Variants in CDK14 observed in about 807,000 individuals in gnomAD.
CDK14 encodes the protein cyclin-dependent kinase 14.
Under a neutral mutation model 60.7 loss-of-function variants are expected in CDK14, and 34 were observed. That is an observed-to-expected ratio of 0.56 (90% CI 0.43 to 0.75). The LOEUF (loss-of-function observed/expected upper bound fraction) is 0.75, where lower values mean the gene tolerates loss of function less well. CDK14 is among the 30% of genes least tolerant of loss of function. CDK14 has a pLI of 0.00. For missense variants in CDK14, 482 were observed against 564.1 expected, an observed-to-expected ratio of 0.85 and a Z score of 1.47; for synonymous variants, 197 against 203.7, an observed-to-expected ratio of 0.97 and a Z score of 0.28.
chr7:90,829,978 C>T (rs1324513273), intron 5 of CDK14, among the ~76,000 whole-genome samples: 4 of 152,210 alleles, frequency 2.6e-5, no homozygotes, highest in Non-Finnish European at 4.4e-5. Context: ...GCTGCCTTCA[C>T]GGGCTGGTGT....
intron 6 of CDK14, among the ~76,000 whole-genome samples, chr7:90,890,069 G>C (rs558661018): frequency 9.2e-5 from 14 of 152,206 alleles, no homozygotes; most frequent in Non-Finnish European, 1.9e-4. Context: ...GTTATTCACT[G>C]TTTTGAAAAC....
At chr7:91,097,042 G>A (rs1799011333) in intron 12 of CDK14, among the ~76,000 whole-genome samples, 1 of 151,972 alleles carries the variant, frequency 6.6e-6, no homozygotes, top group African/African-American at 2.4e-5. Context: ...ACCTCAAAAT[G>A]GACTTGAGTA....
intron 14 of CDK14, among the ~76,000 whole-genome samples, chr7:91,185,737 A>C (rs1802155995): frequency 6.6e-6 from 1 of 151,848 alleles, no homozygotes. Flanking sequence ...TTAAATATTT[A>C]AATAAATTAA....
intron 2 of CDK14, among the ~76,000 whole-genome samples, chr7:90,621,799 T>C (rs1382029967): frequency 6.6e-6 from 1 of 152,198 alleles, no homozygotes; most frequent in East Asian, 1.9e-4. Context: ...TTCCCAGTAA[T>C]GTTGGCACTA....
At chr7:90,618,122 A>G (rs1799690785) in intron 2 of CDK14, among the ~76,000 whole-genome samples, 1 of 152,156 alleles carries the variant, frequency 6.6e-6, no homozygotes, top group Non-Finnish European at 1.5e-5. Flanking sequence ...GTGTGAAGCC[A>G]CTCTGGCTTC....
chr7:91,179,203 A>T (rs1166086809), intron 14 of CDK14, among the ~76,000 whole-genome samples: 1 of 151,886 alleles, frequency 6.6e-6, no homozygotes, highest in African/African-American at 2.4e-5. Flanking sequence ...TGTCCTTTGT[A>T]GGGACATGGA....
intron 5 of CDK14, among the ~76,000 whole-genome samples, chr7:90,859,279 A>G (rs1425544050): frequency 6.6e-6 from 1 of 152,216 alleles, no homozygotes; most frequent in African/African-American, 2.4e-5. Context: ...TTAAGGATTT[A>G]ATATATTGTT....
intron 2 of CDK14, chr7:90,710,646 C>A: frequency 1.5e-6 from 1 of 660,536 alleles, no homozygotes; most frequent in Non-Finnish European, 1.9e-6. Context: ...TGCAGTTCTG[C>A]GTGAAGTGCC....
At chr7:90,739,435 A>G (rs908131389) in intron 3 of CDK14, among the ~76,000 whole-genome samples, 3 of 151,904 alleles carry the variant, frequency 2.0e-5, no homozygotes, top group African/African-American at 7.3e-5. Flanking sequence ...TGTTTTTCTA[A>G]TTTCCTCAGT....
chr7:90,626,738 G>A (rs1201369408), intron 2 of CDK14, among the ~76,000 whole-genome samples: 1 of 152,066 alleles, frequency 6.6e-6, no homozygotes, highest in Non-Finnish European at 1.5e-5. Context: ...CCAGGAGTTG[G>A]AGACCAGCCT....
At chr7:91,000,526 C>T (rs1317338264) in intron 10 of CDK14, among the ~76,000 whole-genome samples, 1 of 152,098 alleles carries the variant, frequency 6.6e-6, no homozygotes, top group Middle Eastern at 3.2e-3. Context: ...AGGATATAGC[C>T]GAGATTCGTG....
At chr7:90,893,511 G>A (rs943077128) in intron 6 of CDK14, among the ~76,000 whole-genome samples, 6 of 152,200 alleles carry the variant, frequency 3.9e-5, no homozygotes, top group Admixed American at 1.3e-4. Flanking sequence ...GTTCTGTTCA[G>A]AACTTTATAA....
At chr7:91,196,942 A>G (rs7789024) in intron 14 of CDK14, among the ~76,000 whole-genome samples, 51,854 of 152,092 alleles carry the variant, frequency 0.34, 10,918 homozygotes, top group Non-Finnish European at 0.48. Context: ...GAGTGTCACT[A>G]TACTTTTCAT....
chr7:91,112,504 T>A (rs551607963), intron 12 of CDK14, 38 bp from the exon 13 acceptor site: 52 of 1,579,302 alleles, frequency 3.3e-5, no homozygotes, highest in Non-Finnish European at 3.7e-5. Context: ...TGGATTTTCT[T>A]GTTTGGTCTG....
At chr7:90,754,082 T>A (rs1348753009) in intron 4 of CDK14, among the ~76,000 whole-genome samples, 3 of 152,228 alleles carry the variant, frequency 2.0e-5, no homozygotes, top group African/African-American at 7.2e-5. Flanking sequence ...GCAGTGCTAT[T>A]CCTATCAAAC....
At chr7:90,909,092 T>A (rs1426584912) in intron 7 of CDK14, among the ~76,000 whole-genome samples, 1 of 152,166 alleles carries the variant, frequency 6.6e-6, no homozygotes, top group Non-Finnish European at 1.5e-5. Context: ...GCCCTGTAGT[T>A]GGGAGAGAGT....
At chr7:90,787,891 T>C (rs949692630) in intron 4 of CDK14, among the ~76,000 whole-genome samples, 17 of 152,178 alleles carry the variant, frequency 1.1e-4, no homozygotes, top group African/African-American at 3.9e-4. Flanking sequence ...TTTTTCACTA[T>C]GAAAATAATA....
intron 5 of CDK14, among the ~76,000 whole-genome samples, chr7:90,836,954 T>G (rs1790122472): frequency 6.6e-6 from 1 of 152,228 alleles, no homozygotes; most frequent in African/African-American, 2.4e-5. Flanking sequence ...GAGCAGCAAG[T>G]AGAATGTTCA....
chr7:91,015,171 C>G (rs1796264461), intron 10 of CDK14, among the ~76,000 whole-genome samples: 1 of 152,086 alleles, frequency 6.6e-6, no homozygotes, highest in South Asian at 2.1e-4. Flanking sequence ...CTGTGTCAAC[C>G]TTACTTGCCC....
Sources: gnomAD v4.1 joint callset for allele counts (sites outside exome capture counted in the v4.1 genomes callset) on GRCh38, gnomAD v4.1.1 for gene constraint, MANE v1.5 for transcripts, NCBI Gene and HGNC (gene_info 2026-07-23, HGNC 2026-07-21) for gene names.